EXOC4: variants seen among roughly 807,000 people sequenced by gnomAD.
EXOC4 encodes SEC8-like 1.
EXOC4 carries 71 observed loss-of-function variants against 107.2 expected under a neutral mutation model. That is an observed-to-expected ratio of 0.66 (90% CI 0.55 to 0.81). The LOEUF (loss-of-function observed/expected upper bound fraction) is 0.81. EXOC4 is among the 30% of genes least tolerant of loss of function. EXOC4 has a pLI of 0.00. For missense variants in EXOC4, 1,108 were observed against 1,189.6 expected (o/e 0.93, Z 1.01); for synonymous variants, 456 against 441.2 (o/e 1.03, Z -0.42).
In EXOC4 at chr7:133,643,678, C is replaced by T. The variant is rs146676820; in HGVS notation, c.1514+13537C>T. Among the ~76,000 whole-genome samples, 15 of 152,266 alleles carry T rather than the reference C, an allele frequency of 9.9e-5. No individual in the cohort carries two copies. In the East Asian group the frequency reaches 2.9e-3, roughly 29 times the overall value. ...CCAATCCTCAGCCCAAATGCTGCTACATAAAGTTAACAATACTTAAATGCT... is the reference window on the plus strand; with the variant it reads ...CCAATCCTCAGCCCAAATGCTGCTATATAAAGTTAACAATACTTAAATGCT... On this transcript the variant is annotated intron_variant, in intron 10 of 17. Coordinates refer to ENST00000253861, the MANE Select transcript of EXOC4 (RefSeq NM_021807.4).
At chr7:133,614,730 G>A (rs979842997) in intron 9 of EXOC4, among the ~76,000 whole-genome samples, 3 of 140,870 alleles carry the variant, frequency 2.1e-5, no homozygotes, top group African/African-American at 8.0e-5. Flanking sequence ...ATTGTGCATG[G>A]CTTTTGAGGA....
chr7:133,552,491 C>A (rs1800610020), intron 9 of EXOC4, among the ~76,000 whole-genome samples: 1 of 152,110 alleles, frequency 6.6e-6, no homozygotes, highest in Non-Finnish European at 1.5e-5. Flanking sequence ...GAAATTGAGC[C>A]ATAATTATTG....
intron 7 of EXOC4, among the ~76,000 whole-genome samples, chr7:133,430,172 A>C (rs891588855): frequency 2.6e-5 from 4 of 152,138 alleles, no homozygotes; most frequent in African/African-American, 9.7e-5. Context: ...GATGGAGTGG[A>C]AAGAGGATCT....
chr7:133,630,192 T>G, intron 10 of EXOC4, 51 bp downstream of exon 10: 4 of 1,392,088 alleles, frequency 2.9e-6, no homozygotes, highest in Non-Finnish European at 4.1e-6. Flanking sequence ...TTTCATTATT[T>G]ATGCTGGTCT....
intron 14 of EXOC4, among the ~76,000 whole-genome samples, chr7:133,955,713 A>G (rs1450583485): frequency 6.6e-6 from 1 of 152,184 alleles, no homozygotes; most frequent in East Asian, 1.9e-4. Context: ...AGGGGCACCT[A>G]CAGGCCTGCA....
chr7:133,624,712 C>T (rs960379029), intron 9 of EXOC4, among the ~76,000 whole-genome samples: 2 of 152,092 alleles, frequency 1.3e-5, no homozygotes, highest in Non-Finnish European at 2.9e-5. Flanking sequence ...CCTGCCTCAG[C>T]CTCCCGAGTA....
chr7:133,601,601 C>CTT (rs1801808563), intron 9 of EXOC4, among the ~76,000 whole-genome samples: 1 of 152,188 alleles, frequency 6.6e-6, no homozygotes, highest in South Asian at 2.1e-4. Context: ...ACTTTCCCTA[C>CTT]TTCTTTCATA....
At chr7:133,336,704 ATTTTATTTTATTTTATTTTATTTAT>A (rs1386690583) in intron 5 of EXOC4, among the ~76,000 whole-genome samples, 13 of 46,804 alleles carry the variant, frequency 2.8e-4, no homozygotes, top group African/African-American at 1.0e-3. Flanking sequence ...ATTTTATTTT[ATTTTATTTTATTTTATTTTATTTAT>A]TTTATTTTAT....
At chr7:133,282,860 G>A (rs1794189032) in intron 2 of EXOC4, among the ~76,000 whole-genome samples, 1 of 152,078 alleles carries the variant, frequency 6.6e-6, no homozygotes, top group South Asian at 2.1e-4. Context: ...ACCATGTTGT[G>A]CAATGGGTTT....
intron 14 of EXOC4, among the ~76,000 whole-genome samples, chr7:133,939,888 A>C (rs567692567): frequency 6.6e-6 from 1 of 152,178 alleles, no homozygotes; most frequent in African/African-American, 2.4e-5. Flanking sequence ...TTGTCTCCCA[A>C]ACCCACTCTG....
chr7:133,512,285 C>G (rs1460929330), intron 9 of EXOC4, among the ~76,000 whole-genome samples: 1 of 152,044 alleles, frequency 6.6e-6, no homozygotes, highest in African/African-American at 2.4e-5. Context: ...CAAAAATTAG[C>G]CAGGCGTGGT....
intron 9 of EXOC4, among the ~76,000 whole-genome samples, chr7:133,549,987 A>G (rs760005535): frequency 1.3e-5 from 2 of 152,160 alleles, no homozygotes; most frequent in South Asian, 2.1e-4. Flanking sequence ...TTCCATAGCC[A>G]TAAGTTGTAC....
rs571821977 is a variant in EXOC4 at position 133,905,155 on chromosome 7, C to G, written c.1871+9420C>G. Among the ~76,000 whole-genome samples, 53 of 152,290 alleles carry G rather than the reference C, an allele frequency of 3.5e-4. 2 individuals carry two copies. The South Asian group carries it at 7.0e-3, about 20-fold the overall frequency. On this transcript the variant is annotated intron_variant, in intron 12 of 17. Transcript: ENST00000253861. ...ATATCCTTCAGAGAAATCATCAAAT[C>G]TAGAAACTCACAATGCCCTCTGCTG...
chr7:133,878,993 C>T (rs138835592), intron 11 of EXOC4, among the ~76,000 whole-genome samples: 2 of 151,942 alleles, frequency 1.3e-5, no homozygotes, highest in African/African-American at 4.8e-5. Flanking sequence ...CCAAAGTGCT[C>T]GGATTACAGG....
intron 10 of EXOC4, among the ~76,000 whole-genome samples, chr7:133,716,861 A>C (rs1184642685): frequency 6.6e-6 from 1 of 152,038 alleles, no homozygotes; most frequent in African/African-American, 2.4e-5. Context: ...AATCACTAGA[A>C]CCTGGGAGGC....
Position 133,692,178 on chromosome 7 carries a change from A to C in EXOC4, c.1514+62037A>C, listed in dbSNP as rs542314673. 1.2e-4 allele frequency among the ~76,000 whole-genome samples: 19 copies of C among 152,348 alleles called. No individual in the cohort carries two copies. The South Asian group carries it at 3.5e-3, about 28-fold the overall frequency. On this transcript the variant is annotated intron_variant, in intron 10 of 17. Coordinates refer to ENST00000253861, the MANE Select transcript of EXOC4 (RefSeq NM_021807.4). ...AACTACCTTAGCGCCAATAAACCTA[A>C]GTAGAAAAGACAATCAAGCCAAAAG... is the stretch of plus-strand genomic sequence containing the variant.
intron 2 of EXOC4, among the ~76,000 whole-genome samples, chr7:133,285,784 G>T (rs1420709328): frequency 6.6e-6 from 1 of 150,390 alleles, no homozygotes; most frequent in Non-Finnish European, 1.5e-5. Context: ...AAAAGAGCTG[G>T]AGTCTTGCTT....
At chr7:133,255,251 A>G (rs1584751873) in intron 1 of EXOC4, among the ~76,000 whole-genome samples, 1 of 151,866 alleles carries the variant, frequency 6.6e-6, no homozygotes, top group South Asian at 2.1e-4. Flanking sequence ...ATCTCGGCTC[A>G]CTGCAACCTC....
intron 10 of EXOC4, among the ~76,000 whole-genome samples, chr7:133,755,252 ATT>A (rs1491299809): frequency 3.6e-4 from 36 of 99,850 alleles, no homozygotes; most frequent in African/African-American, 1.1e-3. Flanking sequence ...TAATATATAT[ATT>A]ATATATATAT....
Sources: gnomAD v4.1 joint callset for allele counts (sites outside exome capture counted in the v4.1 genomes callset) on GRCh38, gnomAD v4.1.1 for gene constraint, MANE v1.5 for transcripts, NCBI Gene and HGNC (gene_info 2026-07-23, HGNC 2026-07-21) for gene names.